NLRP9: variants seen among roughly 807,000 people sequenced by gnomAD.
NLRP9 encodes NLR family pyrin domain containing 9.
Under a neutral mutation model 83.1 loss-of-function variants are expected in NLRP9, and 88 were observed. The observed-to-expected ratio is 1.06, with a 90% CI of 0.89 to 1.26. NLRP9 has a LOEUF of 1.26. NLRP9 is among the 50% of genes most tolerant of loss of function. NLRP9 has a pLI of 0.00. For synonymous variants in NLRP9, 521 were observed against 447.6 expected (o/e 1.16, Z -2.07); for missense variants, 1,308 against 1,179.3 (o/e 1.11, Z -1.60).
chr19:55,731,439 C>A (rs1042159880), intron 2 of NLRP9, among the ~76,000 whole-genome samples: 6 of 151,496 alleles, frequency 4.0e-5, no homozygotes, highest in South Asian at 2.1e-4. Flanking sequence ...AGGAAGCAAG[C>A]AAGGCCAGGC....
At chr19:55,728,409 T>C (rs1988462737) in intron 3 of NLRP9, among the ~76,000 whole-genome samples, 2 of 152,066 alleles carry the variant, frequency 1.3e-5, no homozygotes, top group African/African-American at 4.8e-5. Flanking sequence ...ACCCCGTCTC[T>C]ACTAATACAA....
chr19:55,714,932 A>G (rs1600128031), intron 6 of NLRP9, 123 bp downstream of exon 6: 10 of 902,882 alleles, frequency 1.1e-5, no homozygotes, highest in Non-Finnish European at 8.5e-6. Context: ...AGGACCCAAC[A>G]TACGAATTTT....
chr19:55,713,798 C>T (rs1456576730), intron 6 of NLRP9, among the ~76,000 whole-genome samples: 2 of 7,042 alleles, frequency 2.8e-4, no homozygotes, highest in African/African-American at 1.3e-3. Context: ...CCCTTCCCCT[C>T]GTCCCTTACC....
Position 55,708,666 on chromosome 19 carries a change from G to T in NLRP9, c.*246C>A, listed in dbSNP as rs567732212. 1 of 340,158 alleles carries T rather than the reference G, an allele frequency of 2.9e-6. No individual in the cohort carries two copies. The highest frequency in any genetic ancestry group is 4.8e-5 in the Admixed American group (1 of 20,838). 21.1% of individuals were successfully genotyped at this position (340,158 alleles called of 1,614,324 possible). ...CGTTTAGCACTTGTTTAACGTACTT[G>T]TGCTTCTAAATATCACAAGGCAGGA... On this transcript the variant is annotated 3_prime_UTR_variant, in exon 9 of 9. Transcript: ENST00000332836.
chr19:55,713,643 CCCTCTCCCTCCCCA>C, intron 6 of NLRP9, among the ~76,000 whole-genome samples: 1 of 119,886 alleles, frequency 8.3e-6, no homozygotes, highest in Non-Finnish European at 1.8e-5. Context: ...TCCTCCTCTC[CCCTCTCCCTCCCCA>C]CCTCTCCCCT....
chr19:55,721,300 T>C (rs549616160), intron 4 of NLRP9, among the ~76,000 whole-genome samples: 1 of 152,312 alleles, frequency 6.6e-6, no homozygotes, highest in East Asian at 1.9e-4. Context: ...CAATAAAAAG[T>C]AAACAACAAT....
chr19:55,709,751 C>G (rs1987628531), intron 8 of NLRP9: 2 of 152,216 alleles, frequency 1.3e-5, no homozygotes, highest in Non-Finnish European at 2.9e-5. Context: ...CTCCTGGCTT[C>G]TACTCCCTCA....
chr19:55,718,303 C>G (rs894257053), intron 4 of NLRP9, among the ~76,000 whole-genome samples: 2 of 152,134 alleles, frequency 1.3e-5, no homozygotes, highest in African/African-American at 2.4e-5. Context: ...TCCCCCAACC[C>G]GACACCCGTA....
intron 1 of NLRP9, chr19:55,737,202 T>G (rs2122345760): frequency 6.6e-6 from 1 of 152,306 alleles, no homozygotes; most frequent in East Asian, 1.9e-4. Flanking sequence ...ATGGGAACAC[T>G]GTTTTGTCCA....
intron 3 of NLRP9, among the ~76,000 whole-genome samples, chr19:55,724,470 G>A (rs1988340042): frequency 6.6e-6 from 1 of 152,062 alleles, no homozygotes; most frequent in African/African-American, 2.4e-5. Flanking sequence ...GTACCTCTTT[G>A]TATTCTGAGA....
rs57736610 is a variant in NLRP9 at position 55,737,734 on chromosome 19, T to TAAAAAA, written c.280+355_280+360dup. ...GAGCAACATGGCAAGACCCTTTCTC[T>TAAAAAA]AAAAAAAAAAAAAAAAAAAAAAAAA... On this transcript the variant is annotated intron_variant, in intron 1 of 8. Transcript: ENST00000332836. The TAAAAAA allele has an allele frequency of 1.6e-4, 13 of 80,252 alleles. 2 individuals are homozygous for TAAAAAA. Among genetic ancestry groups the TAAAAAA allele is most frequent in the South Asian group, 7.8e-4 (2 of 2,580 alleles). 5.0% of individuals were successfully genotyped at this position (80,252 alleles called of 1,614,324 possible).
chr19:55,727,779 G>A (rs529218065), intron 3 of NLRP9, among the ~76,000 whole-genome samples: 4 of 152,264 alleles, frequency 2.6e-5, no homozygotes, highest in South Asian at 2.1e-4. Flanking sequence ...GAGGGTAAAC[G>A]CATCCCCATC....
At chr19:55,710,923 T>G (rs1363023721) in intron 8 of NLRP9, among the ~76,000 whole-genome samples, 1 of 151,900 alleles carries the variant, frequency 6.6e-6, no homozygotes, top group Non-Finnish European at 1.5e-5. Flanking sequence ...CCGTCTCTAC[T>G]AAAAATAGAA....
rs376006152 is a variant in NLRP9, at chr19:55,732,193, G to A, written c.1638C>T (p.Phe546=). The change falls in exon 2 of 9, where the codon TTC becomes TTT. Residue 546 remains phenylalanine (F), a synonymous_variant. Coordinates refer to ENST00000332836, the MANE Select transcript of NLRP9 (RefSeq NM_176820.4). The stretch of plus-strand genomic sequence containing the variant: ...TTTCCTGAGTTTCAAACAAACCAAT[G>A]AATAGTTCCTGGAAAGCTATGGCTT... ...DREAIAFQEL[F]IGLFETQEKE... 1.2e-6 allele frequency: 2 copies of A among 1,613,436 alleles called. No individual in the cohort carries two copies. Among genetic ancestry groups the A allele is most frequent in the African/African-American group, 1.3e-5 (1 of 74,896 alleles).
intron 3 of NLRP9, among the ~76,000 whole-genome samples, chr19:55,729,253 T>C (rs4801619): frequency 6.6e-6 from 1 of 151,160 alleles, no homozygotes; most frequent in Non-Finnish European, 1.5e-5. Flanking sequence ...TTTTTTATTA[T>C]ACTTTAAGTT....
At chr19:55,728,041 C>T (rs1174094453) in intron 3 of NLRP9, among the ~76,000 whole-genome samples, 1 of 152,158 alleles carries the variant, frequency 6.6e-6, no homozygotes, top group African/African-American at 2.4e-5. Flanking sequence ...ATTCCTCTAG[C>T]AACAAAATGT....
At chr19:55,734,024 G>A (rs1268135252) in intron 1 of NLRP9, among the ~76,000 whole-genome samples, 1 of 149,466 alleles carries the variant, frequency 6.7e-6, no homozygotes, top group Non-Finnish European at 1.5e-5. Context: ...CCGGGTTCAC[G>A]CCATTCTCCT....
intron 4 of NLRP9, among the ~76,000 whole-genome samples, chr19:55,717,277 C>T (rs569919847): frequency 4.6e-5 from 7 of 152,252 alleles, no homozygotes; most frequent in Admixed American, 1.3e-4. Context: ...AAGAGATCTG[C>T]CCACCTCGGC....
chr19:55,720,363 C>T (rs1380283578), intron 4 of NLRP9, among the ~76,000 whole-genome samples: 1 of 152,182 alleles, frequency 6.6e-6, no homozygotes, highest in Non-Finnish European at 1.5e-5. Flanking sequence ...CACCCTGTCA[C>T]TCAGGTTACA....
Sources: allele counts gnomAD v4.1 joint callset (sites outside exome capture counted in the v4.1 genomes callset), GRCh38; gene constraint gnomAD v4.1.1; transcripts MANE v1.5; gene names NCBI Gene and HGNC (gene_info 2026-07-23, HGNC 2026-07-21).